LYZL4: variants seen among roughly 807,000 people sequenced by gnomAD.
The protein encoded by LYZL4 is lysozyme-like protein 4.
In LYZL4, 13 loss-of-function variants were observed where a neutral mutation model predicts 17.6. The observed-to-expected ratio is 0.74, with a 90% confidence interval of 0.48 to 1.18. The LOEUF (loss-of-function observed/expected upper bound fraction) is 1.18. LYZL4 is among the 50% of genes most tolerant of loss of function. The probability of loss-of-function intolerance (pLI) is 0.00; values close to 1 mark genes in which losing one functional copy is unlikely to be tolerated. For synonymous variants in LYZL4, 64 were observed against 67.7 expected, an observed-to-expected ratio of 0.95 and a Z score of 0.27; for missense variants, 174 against 188.2, an observed-to-expected ratio of 0.92 and a Z score of 0.44.
chr3:42,385,105 C>T, the LYZL4 span, among the ~76,000 whole-genome samples: 1 of 151,846 alleles, frequency 6.6e-6, no homozygotes, highest in African/African-American at 2.4e-5. Flanking sequence ...AAATGTTTTT[C>T]CTGTGATAAT....
the LYZL4 span, among the ~76,000 whole-genome samples, chr3:42,384,319 G>A: frequency 2.6e-5 from 4 of 152,090 alleles, no homozygotes; most frequent in African/African-American, 9.7e-5. Context: ...TGTGGAGGGC[G>A]AATTTCAATA....
At position 42,402,252 on chromosome 3, in the gene LYZL4, G is replaced by A. The variant is rs186801732; in HGVS notation, c.371+1794C>T. ...GCCCAGGAGTTCCAGGCTACAGTGA[G>A]CTATGATAATGCCACTGCACTCTAG... On this transcript the variant is annotated intron_variant, in intron 4 of 4. Coordinates refer to ENST00000287748, the MANE Select transcript of LYZL4 (RefSeq NM_144634.4). Among the ~76,000 whole-genome samples the A allele has an allele frequency of 2.4e-4, 36 of 151,082 alleles. No individual in the cohort carries two copies. In the East Asian group the frequency reaches 5.4e-3, roughly 23 times the overall value.
chr3:42,366,754 T>A, the LYZL4 span, among the ~76,000 whole-genome samples: 3 of 152,222 alleles, frequency 2.0e-5, no homozygotes, highest in African/African-American at 4.8e-5. Flanking sequence ...ACATGCCGAG[T>A]ACCTACTATG....
chr3:42,403,822 C>T (rs1698702366), intron 4 of LYZL4, among the ~76,000 whole-genome samples: 1 of 152,084 alleles, frequency 6.6e-6, no homozygotes, highest in Non-Finnish European at 1.5e-5. Flanking sequence ...TAACCCTAAA[C>T]AAGATTTGGG....
At chr3:42,383,133 C>G in the LYZL4 span, among the ~76,000 whole-genome samples, 1 of 152,130 alleles carries the variant, frequency 6.6e-6, no homozygotes, top group African/African-American at 2.4e-5. Context: ...CTGGGGGCAT[C>G]AGGCACAGTT....
rs1698560322 is a variant in LYZL4, at chr3:42,397,106, C to G, written c.*159G>C. 1 of 572,694 alleles carries G rather than the reference C, an allele frequency of 1.7e-6. No homozygotes were observed. The highest frequency in any genetic ancestry group is 2.8e-5 in the East Asian group (1 of 35,186). The allele number at this position is 572,694 out of a possible 1,614,324, so 35.5% of individuals were successfully genotyped here. A position where few individuals can be genotyped will look rare whatever the true frequency, so the allele number is the denominator to read the frequency against. ...AGTTGAGTAACTAGTTTGGTTTATT[C>G]TGCATCCTGCATCCCCGGATGAAGC... On this transcript the variant is annotated 3_prime_UTR_variant, in exon 5 of 5. Coordinates refer to ENST00000287748, the MANE Select transcript of LYZL4 (RefSeq NM_144634.4).
At chr3:42,391,388 G>A in the LYZL4 span, among the ~76,000 whole-genome samples, 2 of 152,186 alleles carry the variant, frequency 1.3e-5, no homozygotes, top group Non-Finnish European at 2.9e-5. Context: ...TGACCAGGAA[G>A]AGGAGGGGAC....
At chr3:42,407,736 G>A (rs975609153) in intron 1 of LYZL4, among the ~76,000 whole-genome samples, 3 of 150,024 alleles carry the variant, frequency 2.0e-5, no homozygotes, top group Non-Finnish European at 3.0e-5. Flanking sequence ...CCCCACCACT[G>A]CAGCAGAACC....
the LYZL4 span, among the ~76,000 whole-genome samples, chr3:42,388,179 T>G: frequency 1.3e-5 from 2 of 152,102 alleles, no homozygotes; most frequent in African/African-American, 4.8e-5. Context: ...GGAAACAATG[T>G]GTAGAATGAA....
downstream of LYZL4, among the ~76,000 whole-genome samples, chr3:42,392,988 C>T (rs1698505146): frequency 6.6e-6 from 1 of 151,906 alleles, no homozygotes; most frequent in Non-Finnish European, 1.5e-5. Flanking sequence ...AATACTGAAG[C>T]CACCAAGAAT....
intron 1 of LYZL4, among the ~76,000 whole-genome samples, chr3:42,409,353 A>G (rs1308575192): frequency 6.6e-6 from 1 of 152,162 alleles, no homozygotes; most frequent in East Asian, 1.9e-4. Flanking sequence ...TTTTATACTG[A>G]TGTATCAAAC....
chr3:42,391,938 G>A, the LYZL4 span, among the ~76,000 whole-genome samples: 4 of 151,238 alleles, frequency 2.6e-5, no homozygotes, highest in Non-Finnish European at 4.4e-5. Flanking sequence ...GCAGTGGTGC[G>A]ATCTCACTAC....
the LYZL4 span, among the ~76,000 whole-genome samples, chr3:42,363,293 C>T: frequency 0.24 from 37,024 of 152,012 alleles, 5,402 homozygotes; most frequent in East Asian, 0.47. Context: ...AAATTTGGGT[C>T]TAATGTTGGG....
the LYZL4 span, among the ~76,000 whole-genome samples, chr3:42,383,059 C>A: frequency 6.6e-6 from 1 of 152,162 alleles, no homozygotes; most frequent in East Asian, 1.9e-4. Context: ...TGCTTGTCCC[C>A]CACTACTCTA....
the LYZL4 span, among the ~76,000 whole-genome samples, chr3:42,376,360 A>G: frequency 5.3e-5 from 8 of 152,210 alleles, no homozygotes; most frequent in East Asian, 9.7e-4. Context: ...TTAAAACATC[A>G]CTTTACATCA....
At chr3:42,399,043 A>G (rs1348614594) in intron 4 of LYZL4, among the ~76,000 whole-genome samples, 5 of 152,384 alleles carry the variant, frequency 3.3e-5, no homozygotes, top group Non-Finnish European at 7.3e-5. Flanking sequence ...GACTAAGAAT[A>G]TAAGTAAACA....
At position 42,399,480 on chromosome 3, in the gene LYZL4, G is replaced by T. The variant is rs1698615435; in HGVS notation, c.372-2146C>A. Among the ~76,000 whole-genome samples the T allele has an allele frequency of 2.0e-5, 3 of 152,228 alleles. No individual in the cohort carries two copies. The South Asian group carries it at 6.2e-4, about 32-fold the overall frequency. On this transcript the variant is annotated intron_variant, in intron 4 of 4. Transcript: ENST00000287748. Reference sequence around the variant, plus strand: ...ATAAATTACCTGCAACATCTATACAGTGGGGTACTAGCAGCTGTTACAGCG... The same window carrying T: ...ATAAATTACCTGCAACATCTATACATTGGGGTACTAGCAGCTGTTACAGCG...
Position 42,406,888 on chromosome 3 carries a change from A to C in LYZL4, c.250T>G (p.Cys84Gly), listed in dbSNP as rs748502123. The change falls in exon 3 of 5, where the codon TGT (cysteine) becomes GGT (glycine). Residue 84 changes from cysteine (C) to glycine (G), a missense_variant. By Grantham distance (159) the Cys-to-Gly change is radical. Coordinates refer to ENST00000287748, the MANE Select transcript of LYZL4 (RefSeq NM_144634.4). ...CAGCGGTTCCTGCCATGGTCGCCAC[A>C]CCAGTCACTGCCACGCATCTGAAAG... ...GLFQMRGSDW[C>G]GDHGRNRCHM... 1.1e-5 allele frequency: 18 copies of C among 1,614,070 alleles called. No homozygotes were observed. The South Asian group carries it at 1.9e-4, about 17-fold the overall frequency.
At chr3:42,391,341 A>T in the LYZL4 span, among the ~76,000 whole-genome samples, 1 of 152,224 alleles carries the variant, frequency 6.6e-6, no homozygotes, top group South Asian at 2.1e-4. Context: ...GAAAACAGAG[A>T]AGAAATCTGA....
Sources: gnomAD v4.1 joint callset for allele counts (sites outside exome capture counted in the v4.1 genomes callset) on GRCh38, gnomAD v4.1.1 for gene constraint, MANE v1.5 for transcripts, NCBI Gene and HGNC (gene_info 2026-07-23, HGNC 2026-07-21) for gene names.